The following GRM5 variants were observed in gnomAD, a reference collection of about 807,000 sequenced individuals.
GRM5 encodes the protein metabotropic glutamate receptor 5.
Under a neutral mutation model 83.1 loss-of-function variants are expected in GRM5, and 19 were observed. That is an observed-to-expected ratio of 0.23 (90% CI 0.16 to 0.34). The LOEUF (loss-of-function observed/expected upper bound fraction) is 0.34. Among genes scored for constraint, GRM5 ranks in the 10% least tolerant of loss-of-function variants. The pLI is 1.00. For synonymous variants in GRM5, 675 were observed against 633.6 expected, an observed-to-expected ratio of 1.07 and a Z score of -0.98; for missense variants, 1,160 against 1,588.3, an observed-to-expected ratio of 0.73 and a Z score of 4.58.
intron 3 of GRM5, among the ~76,000 whole-genome samples, chr11:88,804,063 T>C (rs1425688032): frequency 3.9e-5 from 6 of 152,120 alleles, no homozygotes; most frequent in Admixed American, 1.3e-4. Flanking sequence ...TGTGGAGAAA[T>C]AGGAACACTT....
At chr11:88,777,128 T>C (rs1942872192) in intron 3 of GRM5, among the ~76,000 whole-genome samples, 1 of 152,178 alleles carries the variant, frequency 6.6e-6, no homozygotes, top group South Asian at 2.1e-4. Context: ...CTTGGAGGCT[T>C]TGTTCATTTC....
chr11:88,675,778 C>T lies in GRM5; in HGVS notation c.912-22375G>A, dbSNP rs187947775. ...CTTGGACTCGTTGTCCCATGTTTCTCACAGAGTCAAAGACGTGTAATAGGC... is the reference window on the plus strand; with the variant it reads ...CTTGGACTCGTTGTCCCATGTTTCTTACAGAGTCAAAGACGTGTAATAGGC... On this transcript the variant is annotated intron_variant, in intron 3 of 9. Transcript: ENST00000305447. Among the ~76,000 whole-genome samples, 283 of 152,128 alleles carry T rather than the reference C, an allele frequency of 1.9e-3. 1 individual carries two copies. Among genetic ancestry groups the T allele is most frequent in the South Asian group, 8.7e-3 (42 of 4,822 alleles).
Position 89,049,330 on chromosome 11 carries a change from A to G in GRM5, c.-200-1258T>C, listed in dbSNP as rs567728853. Among the ~76,000 whole-genome samples the G allele has an allele frequency of 2.6e-5, 4 of 152,336 alleles. No homozygotes were observed. The South Asian group carries it at 6.2e-4, about 24-fold the overall frequency. ...CAAATTTTCCATGGCAAATTCTAGC[A>G]TAATTTGTAAAAGAGAATTGACAAA... is the stretch of plus-strand genomic sequence containing the variant. On this transcript the variant is annotated intron_variant, in intron 1 of 9. Coordinates refer to ENST00000305447, the MANE Select transcript of GRM5 (RefSeq NM_001143831.3).
intron 2 of GRM5, among the ~76,000 whole-genome samples, chr11:88,922,249 G>T (rs1474652074): frequency 1.3e-5 from 2 of 152,040 alleles, no homozygotes; most frequent in Non-Finnish European, 2.9e-5. Context: ...AATTTATGTG[G>T]AACCACAAAA....
intron 1 of GRM5, among the ~76,000 whole-genome samples, chr11:89,056,941 C>A (rs1941889651): frequency 6.6e-6 from 1 of 152,040 alleles, no homozygotes; most frequent in Non-Finnish European, 1.5e-5. Flanking sequence ...CATCAGGTAA[C>A]CACACACTCT....
chr11:88,822,758 A>G (rs1425796552), intron 3 of GRM5, among the ~76,000 whole-genome samples: 2 of 150,166 alleles, frequency 1.3e-5, no homozygotes, highest in Non-Finnish European at 3.0e-5. Flanking sequence ...CAACCTTTCA[A>G]TCCATATTCT....
intron 1 of GRM5, among the ~76,000 whole-genome samples, chr11:89,061,848 C>T (rs1942001296): frequency 6.6e-6 from 1 of 152,118 alleles, no homozygotes; most frequent in Admixed American, 6.5e-5. Flanking sequence ...TAGCCCGCAG[C>T]CAAAACATTC....
chr11:88,916,773 A>AGT (rs1565290672), intron 2 of GRM5, among the ~76,000 whole-genome samples: 3 of 150,854 alleles, frequency 2.0e-5, no homozygotes, highest in African/African-American at 4.9e-5. Flanking sequence ...AAAGAGAGAG[A>AGT]AAAGAGAACT....
chr11:88,942,541 T>A (rs1313589108), intron 2 of GRM5, among the ~76,000 whole-genome samples: 2 of 152,044 alleles, frequency 1.3e-5, no homozygotes, highest in Admixed American at 1.3e-4. Flanking sequence ...CAGTTTCTAG[T>A]CTGATGGCCC....
chr11:88,774,948 T>A (rs1369535592), intron 3 of GRM5, among the ~76,000 whole-genome samples: 2 of 152,236 alleles, frequency 1.3e-5, no homozygotes, highest in Admixed American at 6.5e-5. Flanking sequence ...ATCAGGATGA[T>A]GCTGGCCTCA....
chr11:88,522,569 T>TTCTCTCTCTCTCTCTCTCTCTC lies in GRM5; in HGVS notation c.2726+2739_2726+2740insGAGAGAGAGAGAGAGAGAGAGA, dbSNP rs146352449. Among the ~76,000 whole-genome samples, 6 of 138,878 alleles carry TTCTCTCTCTCTCTCTCTCTCTC rather than the reference T, an allele frequency of 4.3e-5. 1 individual carries two copies. Among genetic ancestry groups the TTCTCTCTCTCTCTCTCTCTCTC allele is most frequent in the African/African-American group, 1.3e-4 (5 of 37,222 alleles). 91.1% of individuals were successfully genotyped at this position (138,878 alleles called of 152,430 possible). On this transcript the variant is annotated intron_variant, in intron 9 of 9. Transcript: ENST00000305447. ...AAAGCTTAAGCATGGCAGGTCTCTCTTCTCTCTCTCTCTCTCTCGCTCTCT... is the reference window on the plus strand; with the variant it reads ...AAAGCTTAAGCATGGCAGGTCTCTCTTCTCTCTCTCTCTCTCTCTCTCTCTCTCTCTCTCTCTCTCGCTCTCT...
At chr11:88,837,795 G>A (rs769782593) in intron 3 of GRM5, among the ~76,000 whole-genome samples, 4 of 152,200 alleles carry the variant, frequency 2.6e-5, no homozygotes, top group South Asian at 2.1e-4. Context: ...AAAGACATAA[G>A]TTACGTCGGC....
intron 3 of GRM5, among the ~76,000 whole-genome samples, chr11:88,834,364 T>G (rs1167299711): frequency 6.6e-6 from 1 of 152,208 alleles, no homozygotes; most frequent in Non-Finnish European, 1.5e-5. Flanking sequence ...AAAGGTAAAT[T>G]GAGAGAATCT....
intron 4 of GRM5, among the ~76,000 whole-genome samples, chr11:88,635,896 A>C (rs1939105906): frequency 6.6e-6 from 1 of 152,108 alleles, no homozygotes; most frequent in Non-Finnish European, 1.5e-5. Context: ...TTATTTTTCC[A>C]CATGTGGATA....
chr11:88,719,073 T>TTTAAC (rs1295298678), intron 3 of GRM5, among the ~76,000 whole-genome samples: 1 of 151,966 alleles, frequency 6.6e-6, no homozygotes, highest in African/African-American at 2.4e-5. Flanking sequence ...TACTTTTTTT[T>TTTAAC]TTAACTTTAG....
At chr11:88,615,649 T>TAAAAAAAAA (rs58256186) in intron 4 of GRM5, among the ~76,000 whole-genome samples, 1 of 119,744 alleles carries the variant, frequency 8.4e-6, no homozygotes. Context: ...ATTAAGAAAC[T>TAAAAAAAAA]AAAAAAAAAA....
intron 2 of GRM5, among the ~76,000 whole-genome samples, chr11:88,896,242 T>C (rs770943604): frequency 1.3e-5 from 2 of 151,752 alleles, no homozygotes; most frequent in African/African-American, 2.4e-5. Context: ...ATCACTGACA[T>C]ACATAAATAA....
chr11:88,793,612 AG>A (rs1414210244), intron 3 of GRM5, among the ~76,000 whole-genome samples: 2 of 152,222 alleles, frequency 1.3e-5, no homozygotes, highest in Non-Finnish European at 2.9e-5. Context: ...ATAAAAATTA[AG>A]ATGTGTTTCT....
intron 2 of GRM5, among the ~76,000 whole-genome samples, chr11:88,988,729 T>C (rs1367426749): frequency 2.7e-5 from 4 of 150,748 alleles, no homozygotes; most frequent in Non-Finnish European, 5.9e-5. Context: ...GAAAAGAATT[T>C]TCAACCAAGA....
Sources: gnomAD v4.1 joint callset for allele counts (sites outside exome capture counted in the v4.1 genomes callset) on GRCh38, gnomAD v4.1.1 for gene constraint, MANE v1.5 for transcripts, NCBI Gene and HGNC (gene_info 2026-07-23, HGNC 2026-07-21) for gene names.